ATAD3B: variants seen among roughly 807,000 people sequenced by gnomAD.
ATAD3B encodes ATPase family AAA domain-containing protein 3B.
Under a neutral mutation model 70.2 loss-of-function variants are expected in ATAD3B, and 59 were observed. The observed-to-expected ratio is 0.84, with a 90% CI of 0.68 to 1.04. ATAD3B has a LOEUF of 1.04. Among genes scored for constraint, ATAD3B ranks in the 50% least tolerant of loss-of-function variants. The pLI is 0.00. For missense variants in ATAD3B, 961 were observed against 913.4 expected (o/e 1.05, Z -0.67); for synonymous variants, 423 against 388.6 (o/e 1.09, Z -1.04).
chr1:1,477,465 GGGC>G, intron 2 of ATAD3B, 115 bp downstream of exon 2: 1 of 1,525,314 alleles, frequency 6.6e-7, no homozygotes, highest in South Asian at 1.2e-5. Flanking sequence ...GGCAGCAGTG[GGGC>G]CAGGGCCGAG....
At chr1:1,499,138 A>AT (rs1218492779), downstream of ATAD3B, among the ~76,000 whole-genome samples, 20 of 142,948 alleles carry the variant, frequency 1.4e-4, 1 homozygote, top group African/African-American at 5.0e-4. Context: ...CGCCCAGCTA[A>AT]TTTTTTGTAT....
At chr1:1,477,162 C>A in intron 1 of ATAD3B, 112 bp from the exon 2 acceptor site, 2 of 1,409,960 alleles carry the variant, frequency 1.4e-6, no homozygotes, top group South Asian at 1.3e-5. Flanking sequence ...GCGTGAACCA[C>A]CGCTTCCCAC....
At position 1,495,989 on chromosome 1, in the gene ATAD3B, CG is replaced by C. The variant is rs1640775077; in HGVS notation, c.*176del. The C allele has an allele frequency of 7.4e-7, 1 of 1,359,454 alleles. No individual in the cohort carries two copies. The highest frequency in any genetic ancestry group is 1.5e-5 in the African/African-American group (1 of 68,672). 84.2% of individuals were successfully genotyped at this position (1,359,454 alleles called of 1,614,324 possible). On this transcript the variant is annotated 3_prime_UTR_variant, in exon 16 of 16. Coordinates refer to ENST00000673477, the MANE Select transcript of ATAD3B (RefSeq NM_031921.6). ...CCTGGGGCAGAAGGAGTGGGGCAGG[CG>C]GGGTCTTTGTTCTCGGCTCCCACAG... is the stretch of plus-strand genomic sequence containing the variant.
In ATAD3B at chr1:1,495,545, C is replaced by G. The variant is rs754435335; in HGVS notation, c.1675C>G (p.Gln559Glu). Residue 559 changes from glutamine to glutamate, a missense_variant, in exon 16 of 16, where the codon CAA becomes GAA. This residue lies in a region of ATAD3B where 417 missense variants were observed against 335.0 expected (regional missense o/e 1.24). Transcript: ENST00000673477. ...TGAGGCCATGATGGACGCCTGTGTG[C>G]AAGATGCTGTCCAGCAGTACCGACA... ...LTEAMMDACVQDAVQQYRQKM... is the reference protein window; with the variant it reads ...LTEAMMDACVEDAVQQYRQKM... The G allele has an allele frequency of 1.2e-6, 2 of 1,613,010 alleles. 1 individual carries two copies. Among genetic ancestry groups the G allele is most frequent in the Non-Finnish European group, 1.7e-6 (2 of 1,179,298 alleles).
chr1:1,500,029 C>A (rs923862314), downstream of ATAD3B, among the ~76,000 whole-genome samples: 2 of 151,494 alleles, frequency 1.3e-5, no homozygotes, highest in Non-Finnish European at 2.9e-5. Flanking sequence ...TCCCAAGTAG[C>A]TGGGACTATA....
chr1:1,483,438 A>G (rs140101653), intron 7 of ATAD3B: 113 of 216,544 alleles, frequency 5.2e-4, no homozygotes, highest in African/African-American at 2.3e-3. Flanking sequence ...TTGCACTCCA[A>G]CCTGTGGAAG....
chr1:1,478,567 C>T, intron 2 of ATAD3B, 77 bp from the exon 3 acceptor site: 2 of 1,550,678 alleles, frequency 1.3e-6, no homozygotes, highest in Non-Finnish European at 1.7e-6. Context: ...CGTGCCGGAG[C>T]TGTGCAGACA....
intron 11 of ATAD3B, among the ~76,000 whole-genome samples, 191 bp downstream of exon 11, chr1:1,486,859 T>C (rs77368695): frequency 0.012 from 1,681 of 143,108 alleles, 35 homozygotes; most frequent in African/African-American, 0.032. Flanking sequence ...GGACACGAGG[T>C]CCCCAGCGTG....
chr1:1,484,757 G>A (rs551496410), intron 7 of ATAD3B: 85 of 1,013,662 alleles, frequency 8.4e-5, no homozygotes, highest in Middle Eastern at 3.3e-4. Context: ...CCCGCTCAGC[G>A]ACCGAGGCTT....
chr1:1,495,024 G>A (rs1640710530), intron 15 of ATAD3B, among the ~76,000 whole-genome samples: 1 of 152,108 alleles, frequency 6.6e-6, no homozygotes, highest in Admixed American at 6.6e-5. Flanking sequence ...AGGAGGACAG[G>A]GAAATGGAGG....
chr1:1,474,777 A>G (rs1639511935), intron 1 of ATAD3B, among the ~76,000 whole-genome samples: 1 of 152,032 alleles, frequency 6.6e-6, no homozygotes, highest in South Asian at 2.1e-4. Flanking sequence ...CTGGGATGAC[A>G]GGCGTGAGCC....
chr1:1,474,562 T>G (rs1390018030), intron 1 of ATAD3B, among the ~76,000 whole-genome samples: 1 of 151,728 alleles, frequency 6.6e-6, no homozygotes, highest in Non-Finnish European at 1.5e-5. Context: ...TGCAGTGGCA[T>G]CATCTCTGCT....
In ATAD3B at chr1:1,486,140, G is replaced by A. The variant is rs113313705; in HGVS notation, c.994G>A (p.Ala332Thr). The change falls in exon 10 of 16, where the codon GCC (alanine) becomes ACC (threonine). Residue 332 changes from alanine (A) to threonine (T), a missense_variant. Physicochemically the swap from Ala to Thr is moderately conservative, Grantham distance 58. This residue lies in a region of ATAD3B where 349 missense variants were observed against 307.5 expected (regional missense o/e 1.14). Coordinates refer to ENST00000673477, the MANE Select transcript of ATAD3B (RefSeq NM_031921.6). ...CCTGGAAGCACGGGTGCGCGACATC[G>A]CCATAGCAACCAGGAACACCAAGAA... ...PSLEARVRDIAIATRNTKKNR... is the reference protein window; with the variant it reads ...PSLEARVRDITIATRNTKKNR... 39 of 1,613,104 alleles carry A rather than the reference G, an allele frequency of 2.4e-5. 1 individual carries two copies. In the African/African-American group the frequency reaches 3.6e-4, roughly 15 times the overall value.
chr1:1,487,404 C>T (rs1183163938), intron 11 of ATAD3B, among the ~76,000 whole-genome samples: 1 of 151,022 alleles, frequency 6.6e-6, no homozygotes, highest in Non-Finnish European at 1.5e-5. Context: ...AGGAGAATGG[C>T]GTGAACCCGG....
chr1:1,484,070 CAA>C (rs908932201), intron 7 of ATAD3B: 2 of 152,066 alleles, frequency 1.3e-5, no homozygotes, highest in Non-Finnish European at 2.9e-5. Flanking sequence ...AGCCTGGGCA[CAA>C]AAGAGCGAGG....
chr1:1,486,468 A>G (rs1640222840), intron 10 of ATAD3B, 76 bp from the exon 11 acceptor site: 11 of 1,610,252 alleles, frequency 6.8e-6, no homozygotes, highest in South Asian at 1.1e-5. Context: ...GGGGCTCCAC[A>G]CTCCAGGTGG....
Position 1,491,200 on chromosome 1 carries a change from G to A in ATAD3B, c.1614+529G>A, listed in dbSNP as rs550303085. Among the ~76,000 whole-genome samples the A allele has an allele frequency of 1.7e-3, 256 of 152,102 alleles. 2 individuals are homozygous for A. The highest frequency in any genetic ancestry group is 6.0e-3 in the African/African-American group (248 of 41,526). On this transcript the variant is annotated intron_variant, in intron 15 of 15. Coordinates refer to ENST00000673477, the MANE Select transcript of ATAD3B (RefSeq NM_031921.6). ...GCTGCTCCTTGGATACTCCAGGGCC[G>A]AGGAGCCGAGACTCACTGGAGTGTG...
In ATAD3B at chr1:1,495,960, A is replaced by T; in HGVS notation, c.*143A>T. The stretch of plus-strand genomic sequence containing the variant: ...CCACTGTGAGGGTGGGTGCTGGCTG[A>T]GCCCCTGGGGCAGAAGGAGTGGGGC... On this transcript the variant is annotated 3_prime_UTR_variant, in exon 16 of 16. Coordinates refer to ENST00000673477, the MANE Select transcript of ATAD3B (RefSeq NM_031921.6). 6 of 1,390,320 alleles carry T rather than the reference A, an allele frequency of 4.3e-6. No individual in the cohort carries two copies. Among genetic ancestry groups the T allele is most frequent in the Non-Finnish European group, 5.6e-6 (6 of 1,074,158 alleles). 86.1% of individuals were successfully genotyped at this position (1,390,320 alleles called of 1,614,324 possible).
At chr1:1,492,766 C>T (rs1640599570) in intron 15 of ATAD3B, among the ~76,000 whole-genome samples, 1 of 151,738 alleles carries the variant, frequency 6.6e-6, no homozygotes, top group Non-Finnish European at 1.5e-5. Context: ...GGTGAAACCC[C>T]ATCTCTACTA....
Sources: allele counts gnomAD v4.1 joint callset (sites outside exome capture counted in the v4.1 genomes callset), GRCh38; gene constraint gnomAD v4.1.1; regional missense constraint gnomAD v4.1.1; transcripts MANE v1.5; gene names NCBI Gene and HGNC (gene_info 2026-07-23, HGNC 2026-07-21).